The following OXCT1 variants were observed in gnomAD, a reference collection of about 807,000 sequenced individuals.
OXCT1 encodes the protein 3-oxoacid CoA-transferase 1.
OXCT1 carries 27 observed loss-of-function variants against 69.6 expected under a neutral mutation model. That is an observed-to-expected ratio of 0.39 (90% confidence interval 0.29 to 0.54). The LOEUF (loss-of-function observed/expected upper bound fraction) is 0.54, where lower values mean the gene tolerates loss of function less well. Ranked by LOEUF, OXCT1 falls within the 20% of genes least tolerant of loss-of-function variation. The probability of loss-of-function intolerance (pLI) is 0.72; values close to 1 mark genes in which losing one functional copy is unlikely to be tolerated. For synonymous variants in OXCT1, 202 were observed against 217.8 expected, an observed-to-expected ratio of 0.93 and a Z score of 0.64; for missense variants, 437 against 650.2, an observed-to-expected ratio of 0.67 and a Z score of 3.57.
intron 1 of OXCT1, among the ~76,000 whole-genome samples, chr5:41,863,048 G>A (rs1160379759): frequency 6.6e-6 from 1 of 152,120 alleles, no homozygotes; most frequent in African/African-American, 2.4e-5. Context: ...TTGAGAGACA[G>A]AATGCATTCT....
chr5:41,833,392 A>C (rs925492396), intron 7 of OXCT1, among the ~76,000 whole-genome samples: 13 of 152,278 alleles, frequency 8.5e-5, no homozygotes, highest in Admixed American at 7.2e-4. Context: ...TTTGCCCTAG[A>C]ATAGTATATA....
intron 3 of OXCT1, among the ~76,000 whole-genome samples, chr5:41,859,569 C>T (rs1749621967): frequency 6.6e-6 from 1 of 152,022 alleles, no homozygotes; most frequent in Non-Finnish European, 1.5e-5. Flanking sequence ...TTACATGAGA[C>T]AAATGAAATC....
At chr5:41,796,408 G>T (rs1746182703) in intron 11 of OXCT1, among the ~76,000 whole-genome samples, 1 of 152,148 alleles carries the variant, frequency 6.6e-6, no homozygotes, top group Non-Finnish European at 1.5e-5. Context: ...AGAAAGAGAA[G>T]CAAAACTGTT....
intron 13 of OXCT1, among the ~76,000 whole-genome samples, chr5:41,768,625 T>A (rs911311938): frequency 3.9e-5 from 6 of 152,072 alleles, no homozygotes; most frequent in African/African-American, 1.4e-4. Context: ...AATCAGTCGC[T>A]CAACTACTAA....
At chr5:41,770,007 G>A (rs886229991) in intron 13 of OXCT1, among the ~76,000 whole-genome samples, 32 of 152,272 alleles carry the variant, frequency 2.1e-4, no homozygotes, top group African/African-American at 6.5e-4. Flanking sequence ...TGATCCGCCT[G>A]CCTTGGCCTC....
intron 7 of OXCT1, among the ~76,000 whole-genome samples, chr5:41,814,259 G>C (rs1296521002): frequency 6.6e-6 from 1 of 152,128 alleles, no homozygotes; most frequent in Non-Finnish European, 1.5e-5. Flanking sequence ...AAATGGGTCA[G>C]TGTCAACTGA....
At chr5:41,832,349 G>A (rs1332660412) in intron 7 of OXCT1, among the ~76,000 whole-genome samples, 1 of 152,050 alleles carries the variant, frequency 6.6e-6, no homozygotes, top group African/African-American at 2.4e-5. Context: ...GAGAGAGAGA[G>A]AGAGAGAGAG....
intron 13 of OXCT1, among the ~76,000 whole-genome samples, chr5:41,764,779 C>T (rs1744516758): frequency 6.6e-6 from 1 of 152,152 alleles, no homozygotes; most frequent in South Asian, 2.1e-4. Flanking sequence ...CAACTGCTAA[C>T]TGTGGCTGGG....
At chr5:41,782,346 C>T (rs1745447701) in intron 13 of OXCT1, among the ~76,000 whole-genome samples, 1 of 151,936 alleles carries the variant, frequency 6.6e-6, no homozygotes, top group Non-Finnish European at 1.5e-5. Flanking sequence ...TTCCAAGAAG[C>T]TGAGATTACA....
At chr5:41,788,818 A>G (rs1185708069) in intron 13 of OXCT1, among the ~76,000 whole-genome samples, 1 of 152,204 alleles carries the variant, frequency 6.6e-6, no homozygotes, top group Non-Finnish European at 1.5e-5. Context: ...ACCCAACAAG[A>G]GCAGAATATA....
intron 7 of OXCT1, among the ~76,000 whole-genome samples, chr5:41,808,689 G>A (rs867641391): frequency 5.3e-5 from 8 of 152,064 alleles, no homozygotes; most frequent in Middle Eastern, 3.2e-3. Flanking sequence ...AAGTGGGGCC[G>A]AAGACCCCTT....
intron 5 of OXCT1, among the ~76,000 whole-genome samples, chr5:41,846,102 A>C (rs865783061): frequency 2.0e-5 from 3 of 151,690 alleles, no homozygotes; most frequent in African/African-American, 4.8e-5. Flanking sequence ...TCTTCTCTTT[A>C]TTTATTTATG....
At chr5:41,831,983 G>A (rs560928547) in intron 7 of OXCT1, among the ~76,000 whole-genome samples, 7 of 152,270 alleles carry the variant, frequency 4.6e-5, no homozygotes, top group South Asian at 2.1e-4. Flanking sequence ...GAGAGGTGGT[G>A]GAGCAAGATG....
At chr5:41,843,436 C>T (rs1392003609) in intron 5 of OXCT1, 6 of 408,038 alleles carry the variant, frequency 1.5e-5, no homozygotes, top group Non-Finnish European at 2.5e-5. Context: ...TCTCTTGCTA[C>T]TGTGAATGTT....
intron 13 of OXCT1, among the ~76,000 whole-genome samples, chr5:41,763,205 A>G (rs1744430998): frequency 6.6e-6 from 1 of 152,088 alleles, no homozygotes. Context: ...GGTCAATGAA[A>G]CAGAACATGA....
At chr5:41,737,667 G>C (rs2111986118) in intron 16 of OXCT1, among the ~76,000 whole-genome samples, 1 of 152,186 alleles carries the variant, frequency 6.6e-6, no homozygotes, top group South Asian at 2.1e-4. Flanking sequence ...TTTTCCAAAG[G>C]GACATTCAAA....
chr5:41,864,573 G>C (rs1039387742), intron 1 of OXCT1, among the ~76,000 whole-genome samples: 11 of 152,160 alleles, frequency 7.2e-5, no homozygotes, highest in African/African-American at 2.7e-4. Context: ...GTAAGATAAA[G>C]TTGAGGATAT....
intron 10 of OXCT1, 42 bp downstream of exon 10, chr5:41,803,027 C>A (rs1395722948): frequency 1.2e-5 from 16 of 1,340,296 alleles, no homozygotes; most frequent in Non-Finnish European, 1.7e-5. Flanking sequence ...ATATCTCATT[C>A]TTCATTAAGA....
chr5:41,804,738 G>A, intron 9 of OXCT1, among the ~76,000 whole-genome samples: 1 of 152,056 alleles, frequency 6.6e-6, no homozygotes, highest in East Asian at 1.9e-4. Context: ...AAAAAGAAAA[G>A]TTCTCCCAGT....
Sources: allele counts gnomAD v4.1 joint callset (sites outside exome capture counted in the v4.1 genomes callset), GRCh38; gene constraint gnomAD v4.1.1; transcripts MANE v1.5; gene names NCBI Gene and HGNC (gene_info 2026-07-23, HGNC 2026-07-21).